Variants in MSRA observed in about 807,000 individuals in gnomAD.
MSRA encodes methionine sulfoxide reductase A.
MSRA carries 54 observed loss-of-function variants against 31.3 expected under a neutral mutation model. The observed-to-expected ratio is 1.73, with a 90% CI of 1.39 to 2.17. The LOEUF is 2.17. Among genes scored for constraint, MSRA ranks in the 30% most tolerant of loss-of-function variants. The probability of loss-of-function intolerance (pLI) is 0.00; values close to 1 mark genes in which losing one functional copy is unlikely to be tolerated. For synonymous variants in MSRA, 169 were observed against 116.5 expected (o/e 1.45, Z -2.90); for missense variants, 507 against 300.9 (o/e 1.69, Z -5.07).
At chr8:10,218,176 T>C (rs1230378794) in intron 2 of MSRA, among the ~76,000 whole-genome samples, 2 of 151,224 alleles carry the variant, frequency 1.3e-5, no homozygotes, top group Admixed American at 1.3e-4. Context: ...AGAAAGAGTC[T>C]CACTCTGTTG....
chr8:10,287,581 C>G (rs1321905324), intron 3 of MSRA, among the ~76,000 whole-genome samples: 2 of 152,086 alleles, frequency 1.3e-5, no homozygotes, highest in South Asian at 2.1e-4. Context: ...CTGAGAGAAC[C>G]CCTTTGAGAC....
At chr8:10,385,259 G>A (rs1321132804) in intron 5 of MSRA, among the ~76,000 whole-genome samples, 1 of 152,188 alleles carries the variant, frequency 6.6e-6, no homozygotes, top group African/African-American at 2.4e-5. Flanking sequence ...GGCAGCAGAT[G>A]GGGAACTCAA....
chr8:10,279,889 G>T (rs983276969), intron 3 of MSRA, among the ~76,000 whole-genome samples: 16 of 152,164 alleles, frequency 1.1e-4, no homozygotes, highest in African/African-American at 2.7e-4. Flanking sequence ...CTATGACTCA[G>T]TGTGCATTAA....
intron 5 of MSRA, among the ~76,000 whole-genome samples, chr8:10,394,448 A>G (rs142595796): frequency 2.4e-4 from 36 of 152,370 alleles, no homozygotes; most frequent in African/African-American, 8.2e-4. Flanking sequence ...GCTTATCACA[A>G]TAGGATTTAC....
intron 5 of MSRA, among the ~76,000 whole-genome samples, chr8:10,412,610 C>G (rs563510112): frequency 6.6e-6 from 1 of 152,268 alleles, no homozygotes; most frequent in East Asian, 1.9e-4. Context: ...ACAAGCAAAT[C>G]ACCTGATTAA....
At chr8:10,122,186 G>T (rs1414888464) in intron 1 of MSRA, among the ~76,000 whole-genome samples, 1 of 152,168 alleles carries the variant, frequency 6.6e-6, no homozygotes, top group African/African-American at 2.4e-5. Context: ...TTCTCGCCAT[G>T]AGAATTGATG....
At chr8:10,426,286 G>T (rs1034780637) in intron 5 of MSRA, among the ~76,000 whole-genome samples, 2 of 152,204 alleles carry the variant, frequency 1.3e-5, no homozygotes, top group Non-Finnish European at 2.9e-5. Context: ...CTTCCATTCC[G>T]TCAAGCTGGA....
intron 1 of MSRA, among the ~76,000 whole-genome samples, chr8:10,121,155 G>A (rs1055231784): frequency 1.3e-5 from 2 of 152,264 alleles, no homozygotes; most frequent in East Asian, 1.9e-4. Context: ...TAAGTTTGTC[G>A]ATGGTAGGCA....
chr8:10,302,362 T>G (rs554144548), intron 4 of MSRA, among the ~76,000 whole-genome samples: 4 of 152,392 alleles, frequency 2.6e-5, no homozygotes, highest in African/African-American at 9.6e-5. Flanking sequence ...TCTGATATTA[T>G]GCAGCTTATG....
rs574242775 is a variant in MSRA, at chr8:10,323,900, A to G, written c.543+3911A>G. Among the ~76,000 whole-genome samples, 283 of 152,276 alleles carry G rather than the reference A, an allele frequency of 1.9e-3. 15 individuals are homozygous for G. Among genetic ancestry groups the G allele is most frequent in the Non-Finnish European group, 1.5e-3 (102 of 68,030 alleles). On this transcript the variant is annotated intron_variant, in intron 5 of 5. Coordinates refer to ENST00000317173, the MANE Select transcript of MSRA (RefSeq NM_012331.5). Reference sequence around the variant, plus strand: ...AGTATCCCGATAGCCATTGCTGCTCACATTACTGCATATAAACTGCTTAAT... The same window carrying G: ...AGTATCCCGATAGCCATTGCTGCTCGCATTACTGCATATAAACTGCTTAAT...
chr8:10,102,526 A>G (rs1799600454), intron 1 of MSRA, among the ~76,000 whole-genome samples: 1 of 152,188 alleles, frequency 6.6e-6, no homozygotes. Flanking sequence ...TGTTTGTGGA[A>G]ACATGTTTAT....
chr8:10,384,445 G>T (rs761765845), intron 5 of MSRA, among the ~76,000 whole-genome samples: 19 of 152,248 alleles, frequency 1.2e-4, no homozygotes, highest in African/African-American at 4.1e-4. Flanking sequence ...AGCTCCGCAG[G>T]ATGGCAGGAT....
At chr8:10,426,975 G>GCGCCTCAAGATCCTCGATC (rs1554561405) in intron 5 of MSRA, among the ~76,000 whole-genome samples, 6 of 152,172 alleles carry the variant, frequency 3.9e-5, no homozygotes, top group African/African-American at 1.2e-4. Context: ...CGGACCTGCT[G>GCGCCTCAAGATCCTCGATC]GGCCTTCTGC....
chr8:10,080,297 C>G (rs1477475570), intron 1 of MSRA, among the ~76,000 whole-genome samples: 5 of 151,654 alleles, frequency 3.3e-5, no homozygotes, highest in Non-Finnish European at 5.9e-5. Flanking sequence ...GGGATGGCTT[C>G]TTGCAGATTT....
intron 1 of MSRA, among the ~76,000 whole-genome samples, chr8:10,160,789 A>G (rs1175439796): frequency 6.6e-6 from 1 of 152,158 alleles, no homozygotes; most frequent in African/African-American, 2.4e-5. Context: ...TGGCCTCCCA[A>G]AGTGCTGGGA....
intron 1 of MSRA, among the ~76,000 whole-genome samples, chr8:10,170,050 T>TTG (rs1489221800): frequency 1.4e-5 from 2 of 147,466 alleles, no homozygotes; most frequent in African/African-American, 5.1e-5. Flanking sequence ...ATATTTTTTT[T>TTG]TTTTTTTTTT....
chr8:10,090,546 A>G (rs936127045), intron 1 of MSRA, among the ~76,000 whole-genome samples: 6 of 152,336 alleles, frequency 3.9e-5, no homozygotes, highest in Admixed American at 2.6e-4. Context: ...TGTAATTCAC[A>G]TGCCATAAAA....
chr8:10,354,758 A>ATG, intron 5 of MSRA, among the ~76,000 whole-genome samples: 1 of 147,444 alleles, frequency 6.8e-6, no homozygotes, highest in East Asian at 2.0e-4. Context: ...GTGTATATAT[A>ATG]TATATATATA....
intron 5 of MSRA, among the ~76,000 whole-genome samples, chr8:10,348,168 C>A (rs930556448): frequency 6.6e-6 from 1 of 152,076 alleles, no homozygotes; most frequent in East Asian, 1.9e-4. Context: ...ACCATATAGA[C>A]AGAGTAGCAG....
Sources: gnomAD v4.1 joint callset for allele counts (sites outside exome capture counted in the v4.1 genomes callset) on GRCh38, gnomAD v4.1.1 for gene constraint, MANE v1.5 for transcripts, NCBI Gene and HGNC (gene_info 2026-07-23, HGNC 2026-07-21) for gene names.